TNNI3K: variants seen among roughly 807,000 people sequenced by gnomAD.
The protein encoded by TNNI3K is TNNI3 interacting kinase.
In TNNI3K, 140 loss-of-function variants were observed where a neutral mutation model predicts 114.5. That is an observed-to-expected ratio of 1.22 (90% CI 1.07 to 1.41). TNNI3K has a LOEUF of 1.41. TNNI3K is among the 40% of genes most tolerant of loss of function. The probability of loss-of-function intolerance (pLI) is 0.00; values close to 1 mark genes in which losing one functional copy is unlikely to be tolerated. For synonymous variants in TNNI3K, 347 were observed against 347.5 expected (o/e 1.00, Z 0.02); for missense variants, 1,125 against 1,007.6 (o/e 1.12, Z -1.58).
rs1161730545 is a variant in TNNI3K, at chr1:74,470,037, C to T, written c.2121+6487C>T. On this transcript the variant is annotated intron_variant, in intron 21 of 24. Transcript: ENST00000326637. ...CTTTTAACCCTGGTAAGAAGGAAAG[C>T]GCTTCATGTGTCTCCACTGTCATTG... 2.2e-5 allele frequency: 9 copies of T among 400,538 alleles called. No individual in the cohort carries two copies. In the South Asian group the frequency reaches 3.8e-4, roughly 17 times the overall value. The allele number at this position is 400,538 out of a possible 1,614,324, so 24.8% of individuals were successfully genotyped here.
At chr1:74,238,080 T>G (rs1175269998) in intron 2 of TNNI3K, among the ~76,000 whole-genome samples, 1 of 151,990 alleles carries the variant, frequency 6.6e-6, no homozygotes, top group Non-Finnish European at 1.5e-5. Context: ...TTTGGAATCA[T>G]TGTAGATAAA....
intron 23 of TNNI3K, among the ~76,000 whole-genome samples, chr1:74,518,191 G>A (rs1646376119): frequency 6.6e-6 from 1 of 152,016 alleles, no homozygotes. Flanking sequence ...TAGATGGAGA[G>A]GGTTTGCTGA....
intron 21 of TNNI3K, among the ~76,000 whole-genome samples, chr1:74,478,064 T>G (rs1022521650): frequency 6.6e-6 from 1 of 152,196 alleles, no homozygotes; most frequent in Admixed American, 6.5e-5. Context: ...ATGACTTAGA[T>G]ATAGCTGAAG....
At chr1:74,344,854 A>G (rs908177031) in intron 9 of TNNI3K, among the ~76,000 whole-genome samples, 1 of 152,144 alleles carries the variant, frequency 6.6e-6, no homozygotes, top group Admixed American at 6.6e-5. Flanking sequence ...TTTTAAGCAA[A>G]TATTTATAAA....
intron 5 of TNNI3K, among the ~76,000 whole-genome samples, chr1:74,292,128 T>C (rs1657714882): frequency 6.6e-6 from 1 of 151,522 alleles, no homozygotes; most frequent in African/African-American, 2.4e-5. Context: ...GTCTCTCTTT[T>C]TGTCGGTCTT....
rs45606634 is a variant in TNNI3K, at chr1:74,385,795, T to C, written c.1772+15403T>C. Among the ~76,000 whole-genome samples the C allele has an allele frequency of 2.5e-3, 374 of 152,262 alleles. 1 individual carries two copies. Among genetic ancestry groups the C allele is most frequent in the African/African-American group, 8.6e-3 (359 of 41,562 alleles). Reference sequence around the variant, plus strand: ...CTTTCTATTCTTGTAGGTTCTGGTCTGATGCAAAAGATATTCAATGACAGA... The same window carrying C: ...CTTTCTATTCTTGTAGGTTCTGGTCCGATGCAAAAGATATTCAATGACAGA... On this transcript the variant is annotated intron_variant, in intron 17 of 24. Coordinates refer to ENST00000326637, the MANE Select transcript of TNNI3K (RefSeq NM_015978.3).
At chr1:74,473,856 C>T (rs1668057390) in intron 21 of TNNI3K, among the ~76,000 whole-genome samples, 1 of 152,172 alleles carries the variant, frequency 6.6e-6, no homozygotes, top group Non-Finnish European at 1.5e-5. Flanking sequence ...CAAAGATAAA[C>T]ATTAAGAACT....
chr1:74,490,380 C>T (rs1049384175), intron 22 of TNNI3K, among the ~76,000 whole-genome samples: 1 of 152,146 alleles, frequency 6.6e-6, no homozygotes. Flanking sequence ...AAAATATCCT[C>T]TCATTTTGAA....
chr1:74,452,474 T>A (rs975463976), intron 20 of TNNI3K, among the ~76,000 whole-genome samples: 5 of 152,196 alleles, frequency 3.3e-5, no homozygotes, highest in African/African-American at 7.2e-5. Flanking sequence ...TCTTTCTTTT[T>A]AAAATTATTT....
At chr1:74,272,692 A>T (rs973513122) in intron 5 of TNNI3K, among the ~76,000 whole-genome samples, 3 of 151,934 alleles carry the variant, frequency 2.0e-5, no homozygotes, top group Admixed American at 1.3e-4. Flanking sequence ...ATCTTGTCTT[A>T]AATTTAAAGT....
chr1:74,492,399 C>T (rs1417969757), intron 23 of TNNI3K, 133 bp downstream of exon 23: 2 of 1,198,206 alleles, frequency 1.7e-6, no homozygotes, highest in Admixed American at 6.7e-5. Context: ...GTTTTCAGCC[C>T]ATTTTTCTTA....
chr1:74,493,084 C>A (rs938271333), intron 23 of TNNI3K, among the ~76,000 whole-genome samples: 1 of 152,100 alleles, frequency 6.6e-6, no homozygotes, highest in African/African-American at 2.4e-5. Context: ...GCCTTCTCTC[C>A]AATTTAGTCA....
At chr1:74,326,192 G>C (rs528474825) in intron 5 of TNNI3K, among the ~76,000 whole-genome samples, 1 of 151,972 alleles carries the variant, frequency 6.6e-6, no homozygotes, top group Non-Finnish European at 1.5e-5. Context: ...AGTCTGCTAG[G>C]TATGAGACAC....
intron 5 of TNNI3K, among the ~76,000 whole-genome samples, chr1:74,297,400 A>G (rs939115277): frequency 1.3e-5 from 2 of 152,042 alleles, no homozygotes; most frequent in Admixed American, 6.6e-5. Context: ...AGCCCTCATG[A>G]TGGAATTAAG....
chr1:74,394,902 G>A (rs1384726786), intron 17 of TNNI3K, among the ~76,000 whole-genome samples: 1 of 152,038 alleles, frequency 6.6e-6, no homozygotes, highest in African/African-American at 2.4e-5. Context: ...CAATTAGCCA[G>A]GCATGGTGGC....
chr1:74,429,470 G>A (rs1665790722), intron 17 of TNNI3K, among the ~76,000 whole-genome samples: 2 of 152,070 alleles, frequency 1.3e-5, no homozygotes, highest in South Asian at 4.1e-4. Flanking sequence ...GGAGTCTTAT[G>A]TTCAGGTATC....
In TNNI3K at chr1:74,367,343, G is replaced by T. The variant is rs201614061; in HGVS notation, c.1264+1G>T. 2.9e-5 allele frequency: 47 copies of T among 1,611,682 alleles called. No individual in the cohort carries two copies. Among genetic ancestry groups the T allele is most frequent in the Non-Finnish European group, 3.5e-5 (41 of 1,178,580 alleles). ...AATGAATATTCTCAGCCTGGAGGAG[G>T]TACCCCTTTTCTTATTCAGTTTTCA... On this transcript the variant is annotated splice_donor_variant, in intron 12 of 24. Coordinates refer to ENST00000326637, the MANE Select transcript of TNNI3K (RefSeq NM_015978.3). LOFTEE classifies it high-confidence loss of function.
intron 23 of TNNI3K, among the ~76,000 whole-genome samples, chr1:74,534,302 C>T (rs1646632125): frequency 6.6e-6 from 1 of 152,132 alleles, no homozygotes; most frequent in Admixed American, 6.6e-5. Context: ...AAAAGCCACG[C>T]TCAGAAGAAT....
rs1662124813 is a variant in TNNI3K, at chr1:74,364,009, A to ATTATTT, written c.1178-3245_1178-3244insATTTTT. On this transcript the variant is annotated intron_variant, in intron 11 of 24. Transcript: ENST00000326637. ...TATTATTATTATTATTATTATTATT[A>ATTATTT]TTTTAGAGACAGGGTCTCACCCAGG... Among the ~76,000 whole-genome samples the ATTATTT allele has an allele frequency of 2.0e-5, 3 of 146,678 alleles. No individual in the cohort carries two copies. The South Asian group carries it at 6.4e-4, about 31-fold the overall frequency.
Sources: allele counts gnomAD v4.1 joint callset (sites outside exome capture counted in the v4.1 genomes callset), GRCh38; gene constraint gnomAD v4.1.1; transcripts MANE v1.5; gene names NCBI Gene and HGNC (gene_info 2026-07-23, HGNC 2026-07-21).